UNC5D: variants seen among roughly 807,000 people sequenced by gnomAD.
UNC5D encodes netrin receptor UNC5D.
A neutral mutation model predicts 105.4 loss-of-function variants in UNC5D; 39 were observed. That is an observed-to-expected ratio of 0.37 (90% confidence interval 0.29 to 0.48). UNC5D has a LOEUF of 0.48. Among genes scored for constraint, UNC5D ranks in the 20% least tolerant of loss-of-function variants. The pLI, the probability that UNC5D is intolerant of heterozygous loss-of-function variation, is 0.98. For missense variants in UNC5D, 991 were observed against 1,202.4 expected (o/e 0.82, Z 2.60); for synonymous variants, 452 against 450.4 (o/e 1.00, Z -0.04).
In UNC5D at chr8:35,468,227, G is replaced by A. The variant is rs553011375; in HGVS notation, c.104-81065G>A. 1.1e-4 allele frequency among the ~76,000 whole-genome samples: 16 copies of A among 152,272 alleles called. No individual in the cohort carries two copies. The East Asian group carries it at 1.7e-3, about 17-fold the overall frequency. On this transcript the variant is annotated intron_variant, in intron 1 of 16. Transcript: ENST00000404895. ...GAATAACTATTGAGAGCATGTGCAC[G>A]TGAAGACACAGATAAACAGGGATAG...
intron 1 of UNC5D, among the ~76,000 whole-genome samples, chr8:35,481,893 C>A (rs1483179956): frequency 1.3e-5 from 2 of 152,126 alleles, no homozygotes; most frequent in African/African-American, 2.4e-5. Context: ...CCAACACCCT[C>A]TGCTTTTCAA....
intron 1 of UNC5D, among the ~76,000 whole-genome samples, chr8:35,411,434 T>G (rs1436195650): frequency 3.3e-5 from 5 of 152,092 alleles, no homozygotes; most frequent in Admixed American, 3.3e-4. Context: ...CAGCACTCTT[T>G]CCTAACCCTA....
intron 1 of UNC5D, among the ~76,000 whole-genome samples, chr8:35,380,762 C>T (rs1011709415): frequency 2.0e-5 from 3 of 152,122 alleles, no homozygotes; most frequent in African/African-American, 4.8e-5. Flanking sequence ...AGCAATATGT[C>T]AATCTGTATA....
At chr8:35,748,983 T>A (rs1209539230) in intron 12 of UNC5D, among the ~76,000 whole-genome samples, 2 of 152,154 alleles carry the variant, frequency 1.3e-5, no homozygotes, top group Non-Finnish European at 2.9e-5. Flanking sequence ...TCCCCTTCAC[T>A]TCCCCCTTGG....
chr8:35,394,166 G>A (rs957411599), intron 1 of UNC5D, among the ~76,000 whole-genome samples: 3 of 152,100 alleles, frequency 2.0e-5, no homozygotes, highest in Non-Finnish European at 4.4e-5. Flanking sequence ...AGAAGAAAAC[G>A]ATATGTACAA....
intron 1 of UNC5D, among the ~76,000 whole-genome samples, chr8:35,327,096 A>T (rs1337062016): frequency 2.0e-5 from 3 of 152,194 alleles, no homozygotes; most frequent in Admixed American, 6.5e-5. Flanking sequence ...CACCGAGGGT[A>T]CATTGCCTTA....
chr8:35,271,729 G>GTATACATT (rs1563268412), intron 1 of UNC5D, among the ~76,000 whole-genome samples: 1 of 113,550 alleles, frequency 8.8e-6, no homozygotes. Flanking sequence ...ATGTATACAT[G>GTATACATT]TATACATATA....
intron 2 of UNC5D, among the ~76,000 whole-genome samples, chr8:35,564,275 A>T (rs1353810626): frequency 6.6e-6 from 1 of 152,062 alleles, no homozygotes; most frequent in African/African-American, 2.4e-5. Flanking sequence ...GCTTAAACAC[A>T]TTTCTTACCT....
intron 3 of UNC5D, among the ~76,000 whole-genome samples, chr8:35,592,734 A>G (rs1819246270): frequency 6.6e-6 from 1 of 152,136 alleles, no homozygotes. Context: ...ATGATGTCTG[A>G]TCATTACAGC....
chr8:35,570,835 A>G (rs769169823), intron 3 of UNC5D, among the ~76,000 whole-genome samples: 3 of 151,828 alleles, frequency 2.0e-5, no homozygotes, highest in Non-Finnish European at 4.4e-5. Context: ...GCATATGCCT[A>G]TAATCCCAGC....
intron 1 of UNC5D, among the ~76,000 whole-genome samples, chr8:35,426,971 A>G (rs763805956): frequency 2.6e-5 from 4 of 152,192 alleles, no homozygotes; most frequent in Non-Finnish European, 5.9e-5. Flanking sequence ...GGTACTATTT[A>G]CTGAATTTCT....
chr8:35,646,499 C>T (rs1823058770), intron 4 of UNC5D, among the ~76,000 whole-genome samples: 1 of 152,008 alleles, frequency 6.6e-6, no homozygotes, highest in African/African-American at 2.4e-5. Context: ...TCCTGAAATA[C>T]CCAGGATTAT....
intron 11 of UNC5D, among the ~76,000 whole-genome samples, chr8:35,732,709 A>ACTCCTAGCT (rs1829259658): frequency 6.6e-6 from 1 of 151,728 alleles, no homozygotes; most frequent in South Asian, 2.1e-4. Context: ...CTTCCTACAC[A>ACTCCTAGCT]CTCCTAGCTC....
At position 35,762,837 on chromosome 8, in the gene UNC5D, CTG is replaced by C. The variant is rs540441465; in HGVS notation, c.2313+3370_2313+3371del. 2.0e-5 allele frequency among the ~76,000 whole-genome samples: 3 copies of C among 152,314 alleles called. No individual in the cohort carries two copies. The South Asian group carries it at 6.2e-4, about 32-fold the overall frequency. ...TGTCACCTCCCTAGGGTAAAAGCAG[CTG>C]TCTTTCCAGCATGCTATGTATCTTG... On this transcript the variant is annotated intron_variant, in intron 14 of 16. Transcript: ENST00000404895.
chr8:35,340,902 A>C (rs912053919), intron 1 of UNC5D, among the ~76,000 whole-genome samples: 2 of 152,156 alleles, frequency 1.3e-5, no homozygotes, highest in African/African-American at 4.8e-5. Flanking sequence ...TGAGAGTAAA[A>C]TATATTTTCA....
intron 1 of UNC5D, among the ~76,000 whole-genome samples, chr8:35,270,572 A>T (rs1805211734): frequency 6.6e-6 from 1 of 152,210 alleles, no homozygotes; most frequent in Admixed American, 6.5e-5. Context: ...TTAATTAGTG[A>T]TTATGACAAA....
chr8:35,255,114 C>G (rs934850580), intron 1 of UNC5D: 1 of 152,192 alleles, frequency 6.6e-6, no homozygotes, highest in Non-Finnish European at 1.5e-5. Context: ...CTGCTGGTTT[C>G]TCTTAGTCGC....
intron 4 of UNC5D, among the ~76,000 whole-genome samples, chr8:35,610,170 A>C (rs1453136622): frequency 6.6e-6 from 1 of 151,310 alleles, no homozygotes; most frequent in African/African-American, 2.4e-5. Flanking sequence ...ATGAGCTTTC[A>C]TGTCTATCCT....
At chr8:35,236,297 C>T (rs1802454649) in intron 1 of UNC5D, among the ~76,000 whole-genome samples, 3 of 152,184 alleles carry the variant, frequency 2.0e-5, no homozygotes, top group Admixed American at 1.3e-4. Context: ...GGAGAGGGGC[C>T]AGGTGATGGG....
Sources: allele counts gnomAD v4.1 joint callset (sites outside exome capture counted in the v4.1 genomes callset), GRCh38; gene constraint gnomAD v4.1.1; transcripts MANE v1.5; gene names NCBI Gene and HGNC (gene_info 2026-07-23, HGNC 2026-07-21).